ST3GAL3: variants seen among roughly 807,000 people sequenced by gnomAD.
The protein encoded by ST3GAL3 is ST3 beta-galactoside alpha-2,3-sialyltransferase 3.
Under a neutral mutation model 50.1 loss-of-function variants are expected in ST3GAL3, and 21 were observed. The ratio of observed to expected loss-of-function variants is 0.42; its 90% CI spans 0.30 to 0.60. The LOEUF (loss-of-function observed/expected upper bound fraction) is 0.60, where lower values mean the gene tolerates loss of function less well. ST3GAL3 is among the 20% of genes least tolerant of loss of function. ST3GAL3 has a pLI of 0.19. For synonymous variants in ST3GAL3, 183 were observed against 190.0 expected, an observed-to-expected ratio of 0.96 and a Z score of 0.30; for missense variants, 353 against 489.4, an observed-to-expected ratio of 0.72 and a Z score of 2.63.
At chr1:43,771,656 T>C (rs761063648) in intron 2 of ST3GAL3, among the ~76,000 whole-genome samples, 4 of 151,936 alleles carry the variant, frequency 2.6e-5, no homozygotes, top group Non-Finnish European at 5.9e-5. Context: ...CGCGCCCGGC[T>C]GGGTGACTTC....
At chr1:43,915,633 G>A (rs2081655164) in intron 9 of ST3GAL3, among the ~76,000 whole-genome samples, 1 of 152,190 alleles carries the variant, frequency 6.6e-6, no homozygotes, top group Admixed American at 6.5e-5. Flanking sequence ...GGGTCATGTG[G>A]ATAGAGGTGG....
At chr1:43,929,798 G>A (rs756907760) in intron 11 of ST3GAL3, among the ~76,000 whole-genome samples, 37 of 152,190 alleles carry the variant, frequency 2.4e-4, no homozygotes, top group Non-Finnish European at 5.0e-4. Flanking sequence ...TAACCTAGGT[G>A]CTTCATGACA....
At chr1:43,751,966 T>C (rs1305250920) in intron 2 of ST3GAL3, among the ~76,000 whole-genome samples, 2 of 152,018 alleles carry the variant, frequency 1.3e-5, no homozygotes, top group Non-Finnish European at 2.9e-5. Flanking sequence ...TTACAGGCCC[T>C]GCTACCACAC....
intron 9 of ST3GAL3, chr1:43,913,117 CA>C (rs528686862): frequency 6.2e-4 from 95 of 152,424 alleles, no homozygotes; most frequent in African/African-American, 2.3e-3. Context: ...CACCGGGAGC[CA>C]GGGGGAAAGG....
intron 5 of ST3GAL3, among the ~76,000 whole-genome samples, chr1:43,884,553 C>T (rs1558722999): frequency 6.6e-6 from 1 of 152,188 alleles, no homozygotes; most frequent in South Asian, 2.1e-4. Context: ...TATCTCCCTA[C>T]GTTATGTCTA....
At chr1:43,715,925 A>G (rs1294815232) in intron 1 of ST3GAL3, among the ~76,000 whole-genome samples, 1 of 152,236 alleles carries the variant, frequency 6.6e-6, no homozygotes, top group Non-Finnish European at 1.5e-5. Flanking sequence ...AGAATGTCTT[A>G]GATTGTGAAA....
intron 5 of ST3GAL3, chr1:43,851,244 A>C (rs1332465804): frequency 1.9e-6 from 3 of 1,573,820 alleles, no homozygotes; most frequent in African/African-American, 2.7e-5. Flanking sequence ...GATTCAAAGA[A>C]GATGGACGTG....
intron 1 of ST3GAL3, among the ~76,000 whole-genome samples, chr1:43,736,011 G>A (rs1280305024): frequency 6.6e-6 from 1 of 152,182 alleles, no homozygotes; most frequent in South Asian, 2.1e-4. Context: ...CGGCGGCTGG[G>A]GTGGGGAAGC....
At chr1:43,906,576 C>T (rs2079783054) in intron 9 of ST3GAL3, among the ~76,000 whole-genome samples, 1 of 146,690 alleles carries the variant, frequency 6.8e-6, no homozygotes, top group Non-Finnish European at 1.5e-5. Flanking sequence ...TCTTCCTCCT[C>T]CTCCTGTTCC....
chr1:43,765,355 G>A (rs997138442), intron 2 of ST3GAL3, among the ~76,000 whole-genome samples: 1 of 152,162 alleles, frequency 6.6e-6, no homozygotes, highest in African/African-American at 2.4e-5. Flanking sequence ...TTCAAGCACA[G>A]AGAAGTTCAT....
intron 4 of ST3GAL3, among the ~76,000 whole-genome samples, chr1:43,819,732 T>C (rs2061847113): frequency 6.6e-6 from 1 of 152,160 alleles, no homozygotes; most frequent in Non-Finnish European, 1.5e-5. Flanking sequence ...ATTACCCAGG[T>C]AGTGAGCATA....
intron 5 of ST3GAL3, among the ~76,000 whole-genome samples, chr1:43,888,016 A>G (rs948120995): frequency 6.6e-6 from 1 of 152,144 alleles, no homozygotes. Context: ...CTTTGAATCC[A>G]TGCAGCTGCA....
At chr1:43,827,537 G>T (rs2062975970) in intron 4 of ST3GAL3, among the ~76,000 whole-genome samples, 1 of 151,960 alleles carries the variant, frequency 6.6e-6, no homozygotes, top group Admixed American at 6.6e-5. Context: ...TTTTGAAACA[G>T]GGTTGCCCAG....
chr1:43,888,700 A>G (rs142025138), intron 5 of ST3GAL3, among the ~76,000 whole-genome samples: 1 of 152,340 alleles, frequency 6.6e-6, no homozygotes, highest in East Asian at 1.9e-4. Context: ...AAGAAATGCA[A>G]ATTAAGATGA....
At chr1:43,711,618 A>C (rs1366057968) in intron 1 of ST3GAL3, among the ~76,000 whole-genome samples, 1 of 152,232 alleles carries the variant, frequency 6.6e-6, no homozygotes, top group Admixed American at 6.5e-5. Flanking sequence ...AGCTCTAACC[A>C]GGCATGGGGT....
chr1:43,905,191 G>A (rs1212698178), intron 9 of ST3GAL3, among the ~76,000 whole-genome samples: 826 of 32,978 alleles, frequency 0.025, 43 homozygotes, highest in African/African-American at 0.088. Context: ...TTCTCTTCCT[G>A]CCACTCTTCC....
chr1:43,927,100 C>T (rs1169037358), intron 11 of ST3GAL3, among the ~76,000 whole-genome samples: 1 of 152,196 alleles, frequency 6.6e-6, no homozygotes, highest in Non-Finnish European at 1.5e-5. Flanking sequence ...GAGGCCGATG[C>T]AGGTGGATCA....
chr1:43,718,243 G>T (rs1375029728), intron 1 of ST3GAL3, among the ~76,000 whole-genome samples: 6 of 138,466 alleles, frequency 4.3e-5, no homozygotes, highest in Admixed American at 7.6e-5. Flanking sequence ...AGGCTGGAGT[G>T]CAGTGGCGCG....
chr1:43,784,122 A>G (rs1263094038), intron 2 of ST3GAL3, among the ~76,000 whole-genome samples: 3 of 152,110 alleles, frequency 2.0e-5, no homozygotes, highest in Non-Finnish European at 2.9e-5. Context: ...CCACACTACC[A>G]GTACAGCCTG....
Sources: allele counts gnomAD v4.1 joint callset (sites outside exome capture counted in the v4.1 genomes callset), GRCh38; gene constraint gnomAD v4.1.1; transcripts MANE v1.5; gene names NCBI Gene and HGNC (gene_info 2026-07-23, HGNC 2026-07-21).